Variants in LEPR observed in about 807,000 individuals in gnomAD.
The protein encoded by LEPR is OB receptor.
Under a neutral mutation model 114.7 loss-of-function variants are expected in LEPR, and 56 were observed. The observed-to-expected ratio is 0.49, with a 90% CI of 0.39 to 0.61. LEPR has a LOEUF of 0.61. Ranked by LOEUF, LEPR falls within the 20% of genes least tolerant of loss-of-function variation. The pLI is 0.00. For missense variants in LEPR, 1,202 were observed against 1,352.9 expected, an observed-to-expected ratio of 0.89 and a Z score of 1.75; for synonymous variants, 443 against 461.4, an observed-to-expected ratio of 0.96 and a Z score of 0.51.
At position 65,595,234 on chromosome 1, in the gene LEPR, G is replaced by A. The variant is rs190056598; in HGVS notation, c.704-1214G>A. Among the ~76,000 whole-genome samples, 63 of 152,078 alleles carry A rather than the reference G, an allele frequency of 4.1e-4. No homozygotes were observed. The East Asian group carries it at 4.3e-3, about 10-fold the overall frequency. On this transcript the variant is annotated intron_variant, in intron 6 of 19. Transcript: ENST00000349533. The stretch of plus-strand genomic sequence containing the variant: ...GTTAGGCAAGTGTCTCTGTGCAAGC[G>A]GCTTTTATGGAATACTGTGGTTTTG...
chr1:65,532,907 T>C (rs1053661160), intron 2 of LEPR, among the ~76,000 whole-genome samples: 2 of 152,186 alleles, frequency 1.3e-5, no homozygotes, highest in Non-Finnish European at 2.9e-5. Context: ...ACAGTGGTGA[T>C]GATTGCTCTG....
chr1:65,608,693 T>G, intron 11 of LEPR, 60 bp from the exon 12 acceptor site: 1 of 1,539,716 alleles, frequency 6.5e-7, no homozygotes, highest in Non-Finnish European at 8.9e-7. Context: ...TAACACAATG[T>G]TTTTAGGCAT....
chr1:65,626,514 G>A (rs1349617815), intron 19 of LEPR, among the ~76,000 whole-genome samples: 2 of 152,100 alleles, frequency 1.3e-5, no homozygotes, highest in African/African-American at 4.8e-5. Flanking sequence ...TTAGGTTTTG[G>A]AATATAATAG....
chr1:65,484,044 G>T (rs973569202), intron 2 of LEPR, among the ~76,000 whole-genome samples: 1 of 151,684 alleles, frequency 6.6e-6, no homozygotes, highest in Non-Finnish European at 1.5e-5. Flanking sequence ...TTTTGTAGAG[G>T]TAGGGTCTTG....
intron 2 of LEPR, among the ~76,000 whole-genome samples, chr1:65,460,831 C>G (rs144708682): frequency 3.2e-4 from 49 of 152,086 alleles, no homozygotes; most frequent in African/African-American, 1.2e-3. Context: ...GACAGAGTGA[C>G]ACTCTGTCTC....
intron 14 of LEPR, among the ~76,000 whole-genome samples, chr1:65,613,765 A>AG (rs1557696602): frequency 5.2e-5 from 6 of 114,718 alleles, no homozygotes; most frequent in African/African-American, 1.6e-4. Context: ...GTCTCAAAAA[A>AG]AAAAAAAAAA....
At chr1:65,495,755 A>G (rs1648123157) in intron 2 of LEPR, among the ~76,000 whole-genome samples, 1 of 152,196 alleles carries the variant, frequency 6.6e-6, no homozygotes, top group Non-Finnish European at 1.5e-5. Flanking sequence ...TTGTGGCAAC[A>G]TGAATGAGCT....
intron 2 of LEPR, among the ~76,000 whole-genome samples, chr1:65,480,444 A>G (rs971679845): frequency 6.6e-6 from 1 of 152,172 alleles, no homozygotes; most frequent in African/African-American, 2.4e-5. Context: ...CTAAGATATA[A>G]TGGAAGGGAG....
At chr1:65,528,828 G>A (rs887807874) in intron 2 of LEPR, among the ~76,000 whole-genome samples, 27 of 151,900 alleles carry the variant, frequency 1.8e-4, no homozygotes, top group African/African-American at 6.3e-4. Context: ...ATTTTGAGAC[G>A]GTGTCTTGCT....
chr1:65,616,350 T>C, intron 15 of LEPR, 126 bp downstream of exon 15: 1 of 986,508 alleles, frequency 1.0e-6, no homozygotes. Flanking sequence ...CTCTTTCACC[T>C]TTCATTTCCT....
At chr1:65,456,443 A>G (rs1376540393) in intron 2 of LEPR, among the ~76,000 whole-genome samples, 1 of 152,088 alleles carries the variant, frequency 6.6e-6, no homozygotes, top group Non-Finnish European at 1.5e-5. Flanking sequence ...TCATGGATTC[A>G]TCTATTTCTC....
chr1:65,635,056 A>G (rs376758086), intron 19 of LEPR: 8 of 870,664 alleles, frequency 9.2e-6, no homozygotes, highest in African/African-American at 3.6e-5. Flanking sequence ...AATCACTAAC[A>G]TATTTTACTT....
chr1:65,476,717 C>T (rs1260959506), intron 2 of LEPR, among the ~76,000 whole-genome samples: 6 of 152,138 alleles, frequency 3.9e-5, no homozygotes, highest in African/African-American at 1.2e-4. Context: ...TAACTCATTT[C>T]TCACAATGCA....
At chr1:65,525,778 C>T in intron 2 of LEPR, 2 of 986,152 alleles carry the variant, frequency 2.0e-6, no homozygotes, top group South Asian at 9.4e-5. Flanking sequence ...CCGGCGCCGC[C>T]GCCATCTCTG....
chr1:65,619,600 C>T (rs867643354), intron 16 of LEPR, among the ~76,000 whole-genome samples: 1 of 151,998 alleles, frequency 6.6e-6, no homozygotes, highest in African/African-American at 2.4e-5. Flanking sequence ...ACATATTGCT[C>T]TGGAAAAGGA....
chr1:65,626,032 T>A, intron 19 of LEPR: 1 of 1,165,834 alleles, frequency 8.6e-7, no homozygotes, highest in Non-Finnish European at 1.3e-6. Flanking sequence ...ATGAAGTGGT[T>A]TCTCAGTGTT....
chr1:65,457,478 A>G (rs1399499078), intron 2 of LEPR, among the ~76,000 whole-genome samples: 2 of 152,144 alleles, frequency 1.3e-5, no homozygotes, highest in Non-Finnish European at 2.9e-5. Context: ...CGTTCACTCT[A>G]CTAATAAGCC....
At chr1:65,514,931 A>T (rs1174227396) in intron 2 of LEPR, among the ~76,000 whole-genome samples, 2 of 152,264 alleles carry the variant, frequency 1.3e-5, no homozygotes, top group African/African-American at 2.4e-5. Context: ...TTATATAGGG[A>T]TACGCATAAG....
At chr1:65,611,214 T>G (rs1234221135) in intron 14 of LEPR, among the ~76,000 whole-genome samples, 1 of 152,204 alleles carries the variant, frequency 6.6e-6, no homozygotes, top group African/African-American at 2.4e-5. Flanking sequence ...AAACCATTCC[T>G]TCAACACATT....
Sources: gnomAD v4.1 joint callset for allele counts (sites outside exome capture counted in the v4.1 genomes callset) on GRCh38, gnomAD v4.1.1 for gene constraint, MANE v1.5 for transcripts, NCBI Gene and HGNC (gene_info 2026-07-23, HGNC 2026-07-21) for gene names.